The following PTPRM variants were observed in gnomAD, a reference collection of about 807,000 sequenced individuals.
The protein encoded by PTPRM is protein tyrosine phosphatase receptor type M.
PTPRM carries 47 observed loss-of-function variants against 186.7 expected under a neutral mutation model. The ratio of observed to expected loss-of-function variants is 0.25; its 90% CI spans 0.20 to 0.32. The LOEUF (loss-of-function observed/expected upper bound fraction) is 0.32, where lower values mean the gene tolerates loss of function less well. Among genes scored for constraint, PTPRM ranks in the 10% least tolerant of loss-of-function variants. The pLI, the probability that PTPRM is intolerant of heterozygous loss-of-function variation, is 1.00. For missense variants in PTPRM, 1,494 were observed against 1,865.0 expected (o/e 0.80, Z 3.66); for synonymous variants, 668 against 674.9 (o/e 0.99, Z 0.16).
At chr18:7,830,664 A>G (rs2045714542) in intron 2 of PTPRM, among the ~76,000 whole-genome samples, 1 of 152,122 alleles carries the variant, frequency 6.6e-6, no homozygotes. Flanking sequence ...AGGAGGAGAT[A>G]TGTTCTATTT....
rs557188294 is a variant in PTPRM at position 8,177,967 on chromosome 18, A to G, written c.2300+34188A>G. On this transcript the variant is annotated intron_variant, in intron 14 of 32. Coordinates refer to ENST00000580170, the MANE Select transcript of PTPRM (RefSeq NM_001105244.2). ...CTGGAGTTGTGCACATGCTCACTTA[A>G]GACATTTTTCCCTTAGCAGTTGAAC... Among the ~76,000 whole-genome samples, 3 of 152,288 alleles carry G rather than the reference A, an allele frequency of 2.0e-5. No individual in the cohort carries two copies. In the South Asian group the frequency reaches 6.2e-4, roughly 32 times the overall value.
chr18:7,613,729 C>G (rs2037735658), intron 1 of PTPRM, among the ~76,000 whole-genome samples: 1 of 152,064 alleles, frequency 6.6e-6, no homozygotes, highest in Non-Finnish European at 1.5e-5. Flanking sequence ...AGTTATCCAT[C>G]AGTAAATAAA....
intron 1 of PTPRM, among the ~76,000 whole-genome samples, chr18:7,618,769 G>C (rs1941144): frequency 0.22 from 32,709 of 151,962 alleles, 6,668 homozygotes; most frequent in African/African-American, 0.51. Context: ...GCACCATAAC[G>C]CTTGTTAAGC....
rs2095693199 is a variant in PTPRM, at chr18:8,376,124, A to T, written c.3250A>T (p.Thr1084Ser). 1 of 1,613,916 alleles carries T rather than the reference A, an allele frequency of 6.2e-7. No homozygotes were observed. Among genetic ancestry groups the T allele is most frequent in the Admixed American group, 1.7e-5 (1 of 60,004 alleles). ...WPDHGVPYHA[T>S]GLLGFVRQVK... ...GGATCATGGGGTCCCCTACCATGCC[A>T]CCGGCCTGCTGGGATTCGTGCGGCA... Residue 1084 changes from threonine to serine, a missense_variant, in exon 25 of 33, where the codon ACC becomes TCC. Physicochemically the swap from Thr to Ser is moderately conservative, Grantham distance 58. Around this residue, in one of 3 missense-constraint regions of PTPRM, gnomAD observed 1,107 missense variants for 1,350.2 expected, o/e 0.82. Transcript: ENST00000580170.
At chr18:8,126,027 A>ATATATATTTTTTTTTTTT (rs57751538) in intron 13 of PTPRM, among the ~76,000 whole-genome samples, 4 of 69,536 alleles carry the variant, frequency 5.8e-5, no homozygotes, top group East Asian at 5.5e-4. Context: ...ATATATATAT[A>ATATATATTTTTTTTTTTT]TTTTAAATCA....
At chr18:8,092,469 A>G (rs562929356) in intron 11 of PTPRM, among the ~76,000 whole-genome samples, 3 of 152,254 alleles carry the variant, frequency 2.0e-5, no homozygotes, top group African/African-American at 7.2e-5. Flanking sequence ...GCTAGAGTAT[A>G]GTGGTGCAAT....
chr18:7,764,754 T>C (rs528112598), intron 1 of PTPRM, among the ~76,000 whole-genome samples: 7 of 152,316 alleles, frequency 4.6e-5, no homozygotes, highest in Admixed American at 3.3e-4. Flanking sequence ...AGGACAACAG[T>C]GATTTCAGAG....
intron 1 of PTPRM, among the ~76,000 whole-genome samples, chr18:7,611,323 A>G (rs1271569793): frequency 6.6e-6 from 1 of 152,202 alleles, no homozygotes; most frequent in Non-Finnish European, 1.5e-5. Context: ...AGTCTATAGC[A>G]GTGTGCAGTA....
intron 19 of PTPRM, among the ~76,000 whole-genome samples, chr18:8,255,624 TA>T (rs993790427): frequency 3.3e-5 from 5 of 151,200 alleles, no homozygotes; most frequent in Admixed American, 1.3e-4. Flanking sequence ...ATTGTTCATT[TA>T]AAAAAAAAGA....
At chr18:7,837,641 G>C (rs2046117886) in intron 2 of PTPRM, among the ~76,000 whole-genome samples, 1 of 152,208 alleles carries the variant, frequency 6.6e-6, no homozygotes, top group South Asian at 2.1e-4. Flanking sequence ...TTTTAGTAGA[G>C]ACAGGGTTTC....
At chr18:7,684,627 T>A (rs2039557027) in intron 1 of PTPRM, among the ~76,000 whole-genome samples, 1 of 152,216 alleles carries the variant, frequency 6.6e-6, no homozygotes, top group Non-Finnish European at 1.5e-5. Context: ...CTTATTTCAC[T>A]TAACAAAATG....
intron 14 of PTPRM, among the ~76,000 whole-genome samples, chr18:8,195,058 C>A (rs1338833324): frequency 6.6e-6 from 1 of 152,076 alleles, no homozygotes; most frequent in Non-Finnish European, 1.5e-5. Context: ...GCACAGAAAC[C>A]TCTCAAAACT....
At chr18:7,907,871 T>C (rs1315920495) in intron 4 of PTPRM, among the ~76,000 whole-genome samples, 6 of 151,452 alleles carry the variant, frequency 4.0e-5, no homozygotes, top group African/African-American at 4.9e-5. Context: ...TTTCCAGCCA[T>C]ACAAATTTCT....
intron 1 of PTPRM, among the ~76,000 whole-genome samples, chr18:7,580,789 C>T (rs1426557780): frequency 6.6e-6 from 1 of 152,164 alleles, no homozygotes; most frequent in Admixed American, 6.5e-5. Flanking sequence ...GTCTCCCTCC[C>T]CATACATACA....
At chr18:7,583,383 T>C (rs925131482) in intron 1 of PTPRM, among the ~76,000 whole-genome samples, 3 of 152,204 alleles carry the variant, frequency 2.0e-5, no homozygotes, top group Non-Finnish European at 2.9e-5. Context: ...GGATGTCCCA[T>C]GGACAGTGGC....
At chr18:8,327,014 A>G (rs1356512422) in intron 22 of PTPRM, among the ~76,000 whole-genome samples, 3 of 152,206 alleles carry the variant, frequency 2.0e-5, no homozygotes, top group Non-Finnish European at 4.4e-5. Flanking sequence ...ATATGTTCAC[A>G]TTTCAAAATG....
chr18:7,896,058 G>C (rs2049338523), intron 3 of PTPRM, among the ~76,000 whole-genome samples: 1 of 152,130 alleles, frequency 6.6e-6, no homozygotes, highest in African/African-American at 2.4e-5. Flanking sequence ...AAATTGCCAA[G>C]TATTTAGTGA....
intron 7 of PTPRM, among the ~76,000 whole-genome samples, chr18:8,012,346 G>A (rs2147876334): frequency 6.6e-6 from 1 of 152,310 alleles, no homozygotes; most frequent in Non-Finnish European, 1.5e-5. Flanking sequence ...CAGATCGACA[G>A]GCCATGAAGA....
intron 1 of PTPRM, among the ~76,000 whole-genome samples, chr18:7,715,579 A>G (rs555359502): frequency 6.6e-6 from 1 of 152,226 alleles, no homozygotes; most frequent in South Asian, 2.1e-4. Flanking sequence ...CTCTGTTTGC[A>G]TATGACATGA....
Sources: allele counts gnomAD v4.1 joint callset (sites outside exome capture counted in the v4.1 genomes callset), GRCh38; gene constraint gnomAD v4.1.1; regional missense constraint gnomAD v4.1.1; transcripts MANE v1.5; gene names NCBI Gene and HGNC (gene_info 2026-07-23, HGNC 2026-07-21).